PACRG: variants seen among roughly 807,000 people sequenced by gnomAD.
PACRG encodes parkin coregulated.
Under a neutral mutation model 29.7 loss-of-function variants are expected in PACRG, and 29 were observed. The observed-to-expected ratio is 0.98, with a 90% confidence interval of 0.73 to 1.33. PACRG has a LOEUF of 1.33. PACRG is among the 40% of genes most tolerant of loss of function. The pLI is 0.00. For synonymous variants in PACRG, 116 were observed against 118.7 expected, an observed-to-expected ratio of 0.98 and a Z score of 0.15; for missense variants, 279 against 316.2, an observed-to-expected ratio of 0.88 and a Z score of 0.89.
chr6:162,727,750 C>T, upstream of PACRG: 3 of 1,434,436 alleles, frequency 2.1e-6, no homozygotes, highest in African/African-American at 2.8e-5. Flanking sequence ...ACCAGCGGCT[C>T]TCCTGGGTTA....
At chr6:163,204,276 A>G (rs1221796792) in intron 4 of PACRG, among the ~76,000 whole-genome samples, 1 of 152,242 alleles carries the variant, frequency 6.6e-6, no homozygotes, top group Non-Finnish European at 1.5e-5. Context: ...ATATATTTTA[A>G]TAGACAACTG....
chr6:163,172,608 C>T (rs377492017), intron 4 of PACRG, among the ~76,000 whole-genome samples: 15 of 152,294 alleles, frequency 9.8e-5, no homozygotes, highest in African/African-American at 3.4e-4. Flanking sequence ...ATTTCTTGCT[C>T]TCTTGACTTC....
At chr6:163,010,001 T>C (rs1202161288) in intron 2 of PACRG, among the ~76,000 whole-genome samples, 1 of 152,226 alleles carries the variant, frequency 6.6e-6, no homozygotes, top group Non-Finnish European at 1.5e-5. Context: ...GAAATGAGAA[T>C]TGATGCTAAA....
At chr6:163,203,613 C>A (rs1780790776) in intron 4 of PACRG, among the ~76,000 whole-genome samples, 2 of 152,218 alleles carry the variant, frequency 1.3e-5, no homozygotes, top group Admixed American at 1.3e-4. Flanking sequence ...ATCACGCTGG[C>A]AGGGCCCTGA....
At chr6:162,819,146 A>T (rs1787613819) in intron 2 of PACRG, among the ~76,000 whole-genome samples, 1 of 152,194 alleles carries the variant, frequency 6.6e-6, no homozygotes, top group Non-Finnish European at 1.5e-5. Context: ...ATTGAAATGA[A>T]TAAAACCAGA....
chr6:163,152,818 G>A (rs1562941017), intron 4 of PACRG, among the ~76,000 whole-genome samples: 1 of 152,160 alleles, frequency 6.6e-6, no homozygotes, highest in Non-Finnish European at 1.5e-5. Context: ...GGCTATGATG[G>A]TCCCTAAACT....
At chr6:163,194,712 A>G (rs1780368785) in intron 4 of PACRG, among the ~76,000 whole-genome samples, 1 of 152,200 alleles carries the variant, frequency 6.6e-6, no homozygotes, top group Non-Finnish European at 1.5e-5. Context: ...TTGTGAAGGC[A>G]TCAATGTGCA....
At chr6:162,791,003 G>A (rs1396024950) in intron 1 of PACRG, among the ~76,000 whole-genome samples, 1 of 152,156 alleles carries the variant, frequency 6.6e-6, no homozygotes, top group African/African-American at 2.4e-5. Context: ...TAAAGAGGTA[G>A]AATTTTTTAT....
intron 1 of PACRG, among the ~76,000 whole-genome samples, chr6:162,747,741 A>C (rs1220991186): frequency 6.6e-6 from 1 of 151,872 alleles, no homozygotes; most frequent in East Asian, 2.0e-4. Context: ...GTGATTTCAC[A>C]TAGACAATAA....
chr6:163,214,963 T>C (rs1781303282), intron 4 of PACRG, among the ~76,000 whole-genome samples: 1 of 152,220 alleles, frequency 6.6e-6, no homozygotes, highest in Non-Finnish European at 1.5e-5. Context: ...GAAATGAAGG[T>C]TGACATTTGT....
chr6:162,830,263 G>A (rs1788636885), intron 2 of PACRG, among the ~76,000 whole-genome samples: 1 of 152,076 alleles, frequency 6.6e-6, no homozygotes, highest in African/African-American at 2.4e-5. Context: ...AGCCAGACTG[G>A]AATCAGGTGG....
Position 163,004,737 on chromosome 6 carries a change from T to TATACAC in PACRG, c.292-57412_292-57411insTACACA, listed in dbSNP as rs1269987576. On this transcript the variant is annotated intron_variant, in intron 2 of 4. Transcript: ENST00000366888. ...GTGTGTGTGTGTGTGTATATATATA[T>TATACAC]ACACACACACACACACACATATCTG... Among the ~76,000 whole-genome samples, 143 of 135,526 alleles carry TATACAC rather than the reference T, an allele frequency of 1.1e-3. 4 individuals are homozygous for TATACAC. Among genetic ancestry groups the TATACAC allele is most frequent in the African/African-American group, 4.2e-3 (133 of 31,846 alleles). The allele number at this position is 135,526 out of a possible 152,430, so 88.9% of individuals were successfully genotyped here.
intron 4 of PACRG, among the ~76,000 whole-genome samples, chr6:163,148,492 A>G (rs1777895692): frequency 6.6e-6 from 1 of 152,180 alleles, no homozygotes; most frequent in African/African-American, 2.4e-5. Flanking sequence ...AGAGAGCTGC[A>G]TGGAAGCCCA....
chr6:162,793,356 A>G (rs942741444), intron 1 of PACRG, among the ~76,000 whole-genome samples: 1 of 152,180 alleles, frequency 6.6e-6, no homozygotes, highest in African/African-American at 2.4e-5. Context: ...GAATATGTAC[A>G]TTTTTATTTT....
intron 2 of PACRG, among the ~76,000 whole-genome samples, chr6:162,999,719 G>A (rs1804410053): frequency 6.6e-6 from 1 of 152,120 alleles, no homozygotes; most frequent in Admixed American, 6.5e-5. Context: ...TCCCAGGCAA[G>A]GTCTAATCCA....
chr6:162,754,624 T>G (rs1256497876), intron 1 of PACRG, among the ~76,000 whole-genome samples: 1 of 152,166 alleles, frequency 6.6e-6, no homozygotes, highest in Non-Finnish European at 1.5e-5. Context: ...GTTTTTTTTT[T>G]TATCTCTTTT....
chr6:162,924,811 G>T (rs1441908452), intron 2 of PACRG, among the ~76,000 whole-genome samples: 2 of 151,992 alleles, frequency 1.3e-5, no homozygotes, highest in Non-Finnish European at 2.9e-5. Flanking sequence ...AAATAACTAA[G>T]ATCACAGTGG....
chr6:163,288,150 A>G (rs1348078928), intron 4 of PACRG, among the ~76,000 whole-genome samples: 1 of 152,164 alleles, frequency 6.6e-6, no homozygotes, highest in Non-Finnish European at 1.5e-5. Context: ...CTTAATTGCA[A>G]TTTCGTCTCA....
chr6:162,932,113 A>ATT (rs1395786472), intron 2 of PACRG, among the ~76,000 whole-genome samples: 1 of 152,062 alleles, frequency 6.6e-6, no homozygotes, highest in East Asian at 1.9e-4. Flanking sequence ...ACTTAACAGC[A>ATT]TGGATGCATC....
Sources: allele counts gnomAD v4.1 joint callset (sites outside exome capture counted in the v4.1 genomes callset), GRCh38; gene constraint gnomAD v4.1.1; transcripts MANE v1.5; gene names NCBI Gene and HGNC (gene_info 2026-07-23, HGNC 2026-07-21).